The following QKI variants were observed in gnomAD, a reference collection of about 807,000 sequenced individuals.
The protein encoded by QKI is KH domain-containing RNA-binding protein QKI.
In QKI, 10 loss-of-function variants were observed where a neutral mutation model predicts 39.0. The observed-to-expected ratio is 0.26, with a 90% CI of 0.16 to 0.43. The LOEUF (loss-of-function observed/expected upper bound fraction) is 0.43, where lower values mean the gene tolerates loss of function less well. QKI is among the 20% of genes least tolerant of loss of function. QKI has a pLI of 1.00. For synonymous variants in QKI, 204 were observed against 155.4 expected (o/e 1.31, Z -2.33); for missense variants, 218 against 428.0 (o/e 0.51, Z 4.33).
At chr6:163,503,550 G>C (rs189701022) in intron 3 of QKI, among the ~76,000 whole-genome samples, 21 of 152,028 alleles carry the variant, frequency 1.4e-4, no homozygotes, top group African/African-American at 4.6e-4. Context: ...TTCTTTTGCT[G>C]TGCGGAAACT....
At chr6:163,450,839 T>C (rs1790509088) in intron 1 of QKI, among the ~76,000 whole-genome samples, 1 of 152,196 alleles carries the variant, frequency 6.6e-6, no homozygotes, top group African/African-American at 2.4e-5. Flanking sequence ...ATGCTAAATT[T>C]GATGGCATAA....
At chr6:163,487,149 T>G (rs1395314687) in intron 3 of QKI, among the ~76,000 whole-genome samples, 2 of 151,756 alleles carry the variant, frequency 1.3e-5, no homozygotes, top group Non-Finnish European at 2.9e-5. Context: ...GTTGAATACT[T>G]AGCTCTCTGA....
At chr6:163,450,946 A>T (rs898645370) in intron 1 of QKI, among the ~76,000 whole-genome samples, 3 of 152,202 alleles carry the variant, frequency 2.0e-5, no homozygotes, top group African/African-American at 7.2e-5. Flanking sequence ...CAAGTAGTAG[A>T]TAAAGATGTG....
intron 4 of QKI, among the ~76,000 whole-genome samples, chr6:163,557,210 C>G (rs1381489282): frequency 6.6e-6 from 1 of 152,132 alleles, no homozygotes; most frequent in African/African-American, 2.4e-5. Context: ...AAATTGAACA[C>G]AAAATATTAT....
rs533058187 is a variant in QKI at position 163,549,789 on chromosome 6, A to G, written c.547-12193A>G. Among the ~76,000 whole-genome samples, 25 of 152,342 alleles carry G rather than the reference A, an allele frequency of 1.6e-4. No individual in the cohort carries two copies. The East Asian group carries it at 4.6e-3, about 28-fold the overall frequency. On this transcript the variant is annotated intron_variant, in intron 4 of 7. Coordinates refer to ENST00000361752, the MANE Select transcript of QKI (RefSeq NM_006775.3). Reference sequence around the variant, plus strand: ...GGTTTTTAAATGAACATATATTAGTATGCAATTGTAGTAATGTTTCACTTT... The same window carrying G: ...GGTTTTTAAATGAACATATATTAGTGTGCAATTGTAGTAATGTTTCACTTT...
At chr6:163,432,569 A>T (rs935809421) in intron 1 of QKI, among the ~76,000 whole-genome samples, 32 of 149,858 alleles carry the variant, frequency 2.1e-4, no homozygotes, top group African/African-American at 4.9e-4. Context: ...ATTAAAAAAA[A>T]TTTTTTTTTT....
chr6:163,527,403 T>A (rs1008794533), intron 3 of QKI, among the ~76,000 whole-genome samples: 6 of 152,196 alleles, frequency 3.9e-5, no homozygotes, highest in Non-Finnish European at 8.8e-5. Flanking sequence ...ATTGGAACCT[T>A]GGTTTTTGTC....
At chr6:163,531,645 TCTTA>T (rs1403564454) in intron 3 of QKI, among the ~76,000 whole-genome samples, 1 of 152,252 alleles carries the variant, frequency 6.6e-6, no homozygotes, top group African/African-American at 2.4e-5. Context: ...TTTCCCATTT[TCTTA>T]CTTCTTACGA....
Position 163,478,762 on chromosome 6 carries a change from C to CTTT in QKI, c.286-8_286-6dup. On this transcript the variant is annotated splice_polypyrimidine_tract_variant and intron_variant, in intron 2 of 7. Transcript: ENST00000361752. ...AGCAAGTGAATAATGTATAGTGATC[C>CTTT]TTTTTTTTTTTTCTCAGTTTAATTT... 1.2e-5 allele frequency: 14 copies of CTTT among 1,153,246 alleles called. No individual in the cohort carries two copies. The highest frequency in any genetic ancestry group is 3.1e-5 in the South Asian group (2 of 65,130). The allele number at this position is 1,153,246 out of a possible 1,614,324, so 71.4% of individuals were successfully genotyped here.
intron 1 of QKI, among the ~76,000 whole-genome samples, chr6:163,449,390 A>G (rs890455326): frequency 2.0e-5 from 3 of 152,226 alleles, no homozygotes; most frequent in African/African-American, 4.8e-5. Context: ...CTGCTCTAGT[A>G]CAATGATAAG....
At chr6:163,473,913 G>C (rs1792385482) in intron 2 of QKI, among the ~76,000 whole-genome samples, 1 of 88,028 alleles carries the variant, frequency 1.1e-5, no homozygotes, top group Non-Finnish European at 2.6e-5. Context: ...TTTATGAATG[G>C]ACATTTCTTA....
At chr6:163,424,701 GGCTCACT>G (rs1485156421) in intron 1 of QKI, among the ~76,000 whole-genome samples, 2 of 150,208 alleles carry the variant, frequency 1.3e-5, no homozygotes, top group Non-Finnish European at 3.0e-5. Flanking sequence ...ACTGGATCTT[GGCTCACT>G]GCAACCTCTG....
intron 4 of QKI, among the ~76,000 whole-genome samples, chr6:163,537,452 A>G (rs1387268540): frequency 6.6e-6 from 1 of 152,210 alleles, no homozygotes; most frequent in African/African-American, 2.4e-5. Context: ...TGAAAATGCA[A>G]CATAAGGCTC....
At chr6:163,436,681 G>T (rs536307154) in intron 1 of QKI, among the ~76,000 whole-genome samples, 1 of 150,846 alleles carries the variant, frequency 6.6e-6, no homozygotes, top group South Asian at 2.1e-4. Context: ...GGGCGTGGTG[G>T]TGTGTGCCTG....
Position 163,537,123 on chromosome 6 carries a change from G to A in QKI, c.546+1998G>A, listed in dbSNP as rs569732994. Among the ~76,000 whole-genome samples the A allele has an allele frequency of 1.7e-4, 26 of 152,254 alleles. 1 individual carries two copies. The South Asian group carries it at 3.9e-3, about 23-fold the overall frequency. On this transcript the variant is annotated intron_variant, in intron 4 of 7. Transcript: ENST00000361752. Reference sequence around the variant, plus strand: ...CTTGGGAGGCTAATGTGGAAGGATCGCTGAGGCCAAGAAGTTGAGCTATAT... The same window carrying A: ...CTTGGGAGGCTAATGTGGAAGGATCACTGAGGCCAAGAAGTTGAGCTATAT...
chr6:163,563,866 C>T (rs902503715), intron 6 of QKI, 147 bp downstream of exon 6: 6 of 1,441,794 alleles, frequency 4.2e-6, no homozygotes, highest in Non-Finnish European at 4.5e-6. Context: ...TTTATTTCAG[C>T]CTCTCATAAG....
intron 1 of QKI, among the ~76,000 whole-genome samples, chr6:163,431,222 A>G (rs1465055689): frequency 6.6e-6 from 1 of 152,196 alleles, no homozygotes; most frequent in East Asian, 1.9e-4. Flanking sequence ...GTTGGGCTTC[A>G]GGTTTCAATT....
intron 2 of QKI, among the ~76,000 whole-genome samples, chr6:163,467,369 G>C (rs1453604491): frequency 3.3e-5 from 5 of 152,212 alleles, no homozygotes; most frequent in African/African-American, 1.2e-4. Context: ...GAACTCATAT[G>C]TTTAGAACTT....
chr6:163,470,027 A>G (rs942556589), intron 2 of QKI, among the ~76,000 whole-genome samples: 1 of 152,186 alleles, frequency 6.6e-6, no homozygotes, highest in Non-Finnish European at 1.5e-5. Flanking sequence ...ATAGGATACA[A>G]TAGGAAAAAA....
Sources: gnomAD v4.1 joint callset for allele counts (sites outside exome capture counted in the v4.1 genomes callset) on GRCh38, gnomAD v4.1.1 for gene constraint, MANE v1.5 for transcripts, NCBI Gene and HGNC (gene_info 2026-07-23, HGNC 2026-07-21) for gene names.